Variants in RNF152 observed in about 807,000 individuals in gnomAD.
The protein encoded by RNF152 is E3 ubiquitin-protein ligase RNF152.
RNF152 carries 11 observed loss-of-function variants against 12.7 expected under a neutral mutation model. That is an observed-to-expected ratio of 0.86 (90% CI 0.54 to 1.43). The LOEUF is 1.43. Ranked by LOEUF, RNF152 falls within the 40% of genes most tolerant of loss-of-function variation. RNF152 has a pLI of 0.00. For synonymous variants in RNF152, 113 were observed against 120.3 expected (o/e 0.94, Z 0.40); for missense variants, 255 against 274.8 (o/e 0.93, Z 0.51).
intron 1 of RNF152, among the ~76,000 whole-genome samples, chr18:61,849,062 G>C (rs1046788529): frequency 6.6e-6 from 1 of 152,148 alleles, no homozygotes. Context: ...TGTCAGCTGT[G>C]AATCCCCCGG....
At chr18:61,827,083 G>C (rs1482204306) in intron 1 of RNF152, among the ~76,000 whole-genome samples, 1 of 152,160 alleles carries the variant, frequency 6.6e-6, no homozygotes, top group Non-Finnish European at 1.5e-5. Context: ...GATAGCTCCG[G>C]ATTAAAGGTA....
intron 1 of RNF152, among the ~76,000 whole-genome samples, chr18:61,858,862 T>C (rs1055418471): frequency 1.3e-5 from 2 of 152,180 alleles, no homozygotes; most frequent in Admixed American, 6.5e-5. Flanking sequence ...CCCGTTTTAA[T>C]AGGAGATGTG....
chr18:61,823,282 T>C (rs1909503663), intron 1 of RNF152, among the ~76,000 whole-genome samples: 1 of 152,194 alleles, frequency 6.6e-6, no homozygotes, highest in East Asian at 1.9e-4. Flanking sequence ...ATCCAGAAAG[T>C]GAAAATTGTC....
At chr18:61,848,250 C>G (rs1015649161) in intron 1 of RNF152, among the ~76,000 whole-genome samples, 3 of 152,088 alleles carry the variant, frequency 2.0e-5, no homozygotes, top group African/African-American at 7.2e-5. Flanking sequence ...CTCCCTCTCC[C>G]TCTCTCTCTG....
At chr18:61,820,555 G>A (rs1909353462) in intron 1 of RNF152, among the ~76,000 whole-genome samples, 1 of 151,964 alleles carries the variant, frequency 6.6e-6, no homozygotes, top group Non-Finnish European at 1.5e-5. Flanking sequence ...GATTGCTCAC[G>A]TTGAGCTACG....
At chr18:61,870,265 C>T (rs976314863) in intron 1 of RNF152, among the ~76,000 whole-genome samples, 4 of 152,102 alleles carry the variant, frequency 2.6e-5, no homozygotes, top group East Asian at 1.9e-4. Context: ...ACGTGGCCTC[C>T]GCACTCCAAA....
At chr18:61,861,148 T>C (rs1911459249) in intron 1 of RNF152, among the ~76,000 whole-genome samples, 1 of 152,210 alleles carries the variant, frequency 6.6e-6, no homozygotes, top group Non-Finnish European at 1.5e-5. Context: ...GTGTACTGTG[T>C]TTGTAAAGTC....
At chr18:61,884,855 G>A (rs1912618211) in intron 1 of RNF152, among the ~76,000 whole-genome samples, 1 of 152,124 alleles carries the variant, frequency 6.6e-6, no homozygotes, top group South Asian at 2.1e-4. Flanking sequence ...CACCATGCCT[G>A]GCCATTCAAA....
Position 61,813,684 on chromosome 18 carries a change from CATATGCAG to C in RNF152, c.*2160_*2167del, listed in dbSNP as rs1250733248. On this transcript the variant is annotated 3_prime_UTR_variant, in exon 2 of 2. Coordinates refer to ENST00000312828, the MANE Select transcript of RNF152 (RefSeq NM_173557.3). ...TCAGTCATTTCACACTGTACAGAAA[CATATGCAG>C]ATATCACTCACAAAATTAATCTGAA... 2 of 152,206 alleles carry C rather than the reference CATATGCAG, an allele frequency of 1.3e-5. No homozygotes were observed. The highest frequency in any genetic ancestry group is 4.8e-5 in the African/African-American group (2 of 41,448). The allele number at this position is 152,206 out of a possible 1,614,324, so 9.4% of individuals were successfully genotyped here.
chr18:61,870,217 C>A (rs995252178), intron 1 of RNF152, among the ~76,000 whole-genome samples: 1 of 152,158 alleles, frequency 6.6e-6, no homozygotes, highest in African/African-American at 2.4e-5. Context: ...GAAAGCACAG[C>A]AGGGAGCTTT....
At chr18:61,852,595 C>A (rs1599296838) in intron 1 of RNF152, among the ~76,000 whole-genome samples, 1 of 152,274 alleles carries the variant, frequency 6.6e-6, no homozygotes, top group East Asian at 1.9e-4. Flanking sequence ...TCTTATTCAG[C>A]AAACACAATA....
intron 1 of RNF152, among the ~76,000 whole-genome samples, chr18:61,868,249 A>T (rs1211728774): frequency 2.0e-5 from 3 of 152,230 alleles, no homozygotes; most frequent in Non-Finnish European, 1.5e-5. Context: ...AGCATGTTAA[A>T]AATATGTCCC....
intron 1 of RNF152, among the ~76,000 whole-genome samples, chr18:61,867,255 A>T (rs1179067259): frequency 3.3e-5 from 5 of 152,312 alleles, no homozygotes; most frequent in African/African-American, 1.2e-4. Context: ...GTTCAAGACC[A>T]GCCTGGCCAA....
chr18:61,842,884 T>C (rs1185728641), intron 1 of RNF152, among the ~76,000 whole-genome samples: 1 of 152,178 alleles, frequency 6.6e-6, no homozygotes, highest in Non-Finnish European at 1.5e-5. Flanking sequence ...GCCCTCATAA[T>C]TCAATCATCT....
At chr18:61,859,224 A>T (rs1911354637) in intron 1 of RNF152, among the ~76,000 whole-genome samples, 1 of 152,166 alleles carries the variant, frequency 6.6e-6, no homozygotes, top group Admixed American at 6.5e-5. Flanking sequence ...TTCAAATAAA[A>T]CTGGAAGGAC....
At position 61,815,515 on chromosome 18, in the gene RNF152, C is replaced by T. The variant is rs560235677; in HGVS notation, c.*337G>A. The T allele has an allele frequency of 8.3e-5, 18 of 217,050 alleles. No individual in the cohort carries two copies. The highest frequency in any genetic ancestry group is 2.5e-4 in the African/African-American group (11 of 43,930). The allele number at this position is 217,050 out of a possible 1,614,324, so 13.4% of individuals were successfully genotyped here. A position where few individuals can be genotyped will look rare whatever the true frequency, so the allele number is the denominator to read the frequency against. Reference sequence around the variant, plus strand: ...CGCATTTAGAGAAGGTCACATTGTACGCACTTGTACAGTTTAACGTCTAAG... The same window carrying T: ...CGCATTTAGAGAAGGTCACATTGTATGCACTTGTACAGTTTAACGTCTAAG... On this transcript the variant is annotated 3_prime_UTR_variant, in exon 2 of 2. Transcript: ENST00000312828.
At chr18:61,889,534 A>G (rs975250874) in intron 1 of RNF152, among the ~76,000 whole-genome samples, 28 of 152,180 alleles carry the variant, frequency 1.8e-4, no homozygotes, top group Non-Finnish European at 3.5e-4. Context: ...AGGGAGAGTG[A>G]GGCAAGGAAG....
chr18:61,823,887 A>C (rs1478538230), intron 1 of RNF152, among the ~76,000 whole-genome samples: 1 of 152,212 alleles, frequency 6.6e-6, no homozygotes, highest in Non-Finnish European at 1.5e-5. Flanking sequence ...TGTGCCGTGG[A>C]GCCAAGGGCA....
chr18:61,829,984 A>G (rs1339523389), intron 1 of RNF152, among the ~76,000 whole-genome samples: 4 of 151,420 alleles, frequency 2.6e-5, no homozygotes, highest in Non-Finnish European at 5.9e-5. Flanking sequence ...TTAAGTCACC[A>G]TCATGTGTAG....
Sources: allele counts gnomAD v4.1 joint callset (sites outside exome capture counted in the v4.1 genomes callset), GRCh38; gene constraint gnomAD v4.1.1; transcripts MANE v1.5; gene names NCBI Gene and HGNC (gene_info 2026-07-23, HGNC 2026-07-21).